The following CAMKK1 variants were observed in gnomAD, a reference collection of about 807,000 sequenced individuals.
CAMKK1 encodes the protein calcium/calmodulin dependent protein kinase kinase 1, also known as calcium/calmodulin-dependent protein kinase kinase 1.
Under a neutral mutation model 63.5 loss-of-function variants are expected in CAMKK1, and 20 were observed. The observed-to-expected ratio is 0.32, with a 90% confidence interval of 0.22 to 0.46. The LOEUF (loss-of-function observed/expected upper bound fraction) is 0.46. Ranked by LOEUF, CAMKK1 falls within the 20% of genes least tolerant of loss-of-function variation. The probability of loss-of-function intolerance (pLI) is 1.00; values close to 1 mark genes in which losing one functional copy is unlikely to be tolerated. For synonymous variants in CAMKK1, 253 were observed against 269.0 expected (o/e 0.94, Z 0.58); for missense variants, 588 against 658.1 (o/e 0.89, Z 1.17).
Position 3,890,824 on chromosome 17 carries a change from C to G in CAMKK1, c.-44+2115G>C, listed in dbSNP as rs73322942. Reference sequence around the variant, plus strand: ...GCTGCCTGGAGGACAGCTCAGACATCGCCTCTTCTGAGCCCTCCTTGATCT... The same window carrying G: ...GCTGCCTGGAGGACAGCTCAGACATGGCCTCTTCTGAGCCCTCCTTGATCT... On this transcript the variant is annotated intron_variant, in intron 1 of 15. Coordinates refer to ENST00000348335, the MANE Select transcript of CAMKK1 (RefSeq NM_032294.3). The surrounding 1 kb of genome is among the most constrained non-coding windows in gnomAD (Gnocchi z 6.5). 1.3e-6 allele frequency: 1 copy of G among 777,014 alleles called. No homozygotes were observed. 48.1% of individuals were successfully genotyped at this position (777,014 alleles called of 1,614,324 possible). A position where few individuals can be genotyped will look rare whatever the true frequency, so the allele number is the denominator to read the frequency against.
At chr17:3,869,444 C>T in intron 14 of CAMKK1, 43 bp downstream of exon 14, 1 of 1,612,088 alleles carries the variant, frequency 6.2e-7, no homozygotes, top group Non-Finnish European at 8.5e-7. Context: ...TCAGGTCCCC[C>T]AGGCCCTCCA....
At chr17:3,868,086 T>C (rs113320040) in intron 14 of CAMKK1, among the ~76,000 whole-genome samples, 34,336 of 46,384 alleles carry the variant, frequency 0.74, 12,613 homozygotes, top group East Asian at 0.81. Context: ...AACTGATACG[T>C]GGGCTCTGGG....
In CAMKK1 at chr17:3,887,936, C is replaced by T. The variant is rs73974147; in HGVS notation, c.-43-2206G>A. 6.0e-3 allele frequency among the ~76,000 whole-genome samples: 913 copies of T among 152,280 alleles called. 7 individuals are homozygous for T. Among genetic ancestry groups the T allele is most frequent in the African/African-American group, 0.021 (854 of 41,526 alleles). On this transcript the variant is annotated intron_variant, in intron 1 of 15. Coordinates refer to ENST00000348335, the MANE Select transcript of CAMKK1 (RefSeq NM_032294.3). This position sits in a 1 kb window ranked among gnomAD's most constrained non-coding sequence, Gnocchi z 6.1. ...ATGTAAGTTTCATGAGATTAGGACGCTCATCTGCCTTGTCTCCAAAAGATC... is the reference window on the plus strand; with the variant it reads ...ATGTAAGTTTCATGAGATTAGGACGTTCATCTGCCTTGTCTCCAAAAGATC...
Position 3,883,885 on chromosome 17 carries a change from T to C in CAMKK1, c.461A>G (p.Tyr154Cys), listed in dbSNP as rs2055526580. The change falls in exon 4 of 16, where the codon TAT becomes TGT. Residue 154 changes from tyrosine (Y) to cysteine (C), a missense_variant and splice_region_variant. This residue lies in a region of CAMKK1 where 357 missense variants were observed against 407.4 expected (regional missense o/e 0.88). Transcript: ENST00000348335. The surrounding 1 kb of genome is among the most constrained non-coding windows in gnomAD (Gnocchi z 4.7). ...LAYNESEDRHYAMKVLSKKKL... is the reference protein window; with the variant it reads ...LAYNESEDRHCAMKVLSKKKL... ...CCTCCCTCGTATCCCCAGACTCACA[T>C]AGTGTCTGTCTTCACTTTCGTTGTA... 1.2e-6 allele frequency: 2 copies of C among 1,613,590 alleles called. No homozygotes were observed. Among genetic ancestry groups the C allele is most frequent in the Non-Finnish European group, 8.5e-7 (1 of 1,179,772 alleles).
In CAMKK1 at chr17:3,892,846, ACC is replaced by A. The variant is rs143787561; in HGVS notation, c.-44+91_-44+92del. ...CTCCCTCGTAGACGCGGCCTGGCAGACCCCCCCCGCCTCTCCCTTGCAGGCTC... is the reference window on the plus strand; with the variant it reads ...CTCCCTCGTAGACGCGGCCTGGCAGACCCCCCGCCTCTCCCTTGCAGGCTC... On this transcript the variant is annotated intron_variant, in intron 1 of 15. Transcript: ENST00000348335. The surrounding 1 kb of genome is among the most constrained non-coding windows in gnomAD (Gnocchi z 7.5). 4 of 147,842 alleles carry A rather than the reference ACC, an allele frequency of 2.7e-5. No individual in the cohort carries two copies. Among genetic ancestry groups the A allele is most frequent in the East Asian group, 2.0e-4 (1 of 4,982 alleles). The allele number at this position is 147,842 out of a possible 1,614,324, so 9.2% of individuals were successfully genotyped here.
At position 3,880,379 on chromosome 17, in the gene CAMKK1, A is replaced by G. The variant is rs775775222; in HGVS notation, c.763T>C (p.Tyr255His). 4 of 1,613,902 alleles carry G rather than the reference A, an allele frequency of 2.5e-6. No homozygotes were observed. In the African/African-American group the frequency reaches 5.3e-5, roughly 22 times the overall value. The change falls in exon 9 of 16, where the codon TAC becomes CAC. Residue 255 changes from tyrosine (Y) to histidine (H), a missense_variant. Physicochemically the swap from Tyr to His is moderately conservative, Grantham distance 83. This residue lies in a region of CAMKK1 where 357 missense variants were observed against 407.4 expected (regional missense o/e 0.88). Coordinates refer to ENST00000348335, the MANE Select transcript of CAMKK1 (RefSeq NM_032294.3). ...KPFSEEQARL[Y>H]LRDVILGLEY... ...AGGCCCAGGATGACGTCCCGCAGGT[A>G]GAGGCGAGCTTGCTCCTCCGAGAAG...
chr17:3,880,442 G>A lies in CAMKK1; in HGVS notation c.708-8C>T. The A allele has an allele frequency of 6.2e-7, 1 of 1,611,552 alleles. No individual in the cohort carries two copies. Among genetic ancestry groups the A allele is most frequent in the Non-Finnish European group, 8.5e-7 (1 of 1,178,598 alleles). ...GGCACTTCCATGACGGGCCTATGGAGAAGGATGCGGGGAGGGGCATTCAGC... is the reference window on the plus strand; with the variant it reads ...GGCACTTCCATGACGGGCCTATGGAAAAGGATGCGGGGAGGGGCATTCAGC... On this transcript the variant is annotated splice_polypyrimidine_tract_variant and splice_region_variant and intron_variant, in intron 8 of 15. Coordinates refer to ENST00000348335, the MANE Select transcript of CAMKK1 (RefSeq NM_032294.3).
chr17:3,882,952 C>G lies in CAMKK1; in HGVS notation c.648+90G>C. ...CCACATCTGCCACCTGGGCAAGATC[C>G]CTGGGTCTGTGCTAGGGGCTCCCCA... On this transcript the variant is annotated intron_variant, in intron 6 of 15. Transcript: ENST00000348335. This position sits in a 1 kb window ranked among gnomAD's most constrained non-coding sequence, Gnocchi z 4.3. 6.6e-7 allele frequency: 1 copy of G among 1,526,610 alleles called. No individual in the cohort carries two copies. The highest frequency in any genetic ancestry group is 1.2e-5 in the South Asian group (1 of 83,072). The allele number at this position is 1,526,610 out of a possible 1,614,324, so 94.6% of individuals were successfully genotyped here. A position where few individuals can be genotyped will look rare whatever the true frequency, so the allele number is the denominator to read the frequency against.
Position 3,862,383 on chromosome 17 carries a change from C to G in CAMKK1, c.1446-100G>C. 9.9e-7 allele frequency: 1 copy of G among 1,014,652 alleles called. No homozygotes were observed. The highest frequency in any genetic ancestry group is 1.5e-6 in the Non-Finnish European group (1 of 667,424). The allele number at this position is 1,014,652 out of a possible 1,614,324, so 62.9% of individuals were successfully genotyped here. The stretch of plus-strand genomic sequence containing the variant: ...ACACAGGAATCTGAATCCCACATCT[C>G]TCAAAGCCCCCTTCACCCACTGCCC... On this transcript the variant is annotated intron_variant, in intron 15 of 15. Transcript: ENST00000348335. This position sits in a 1 kb window ranked among gnomAD's most constrained non-coding sequence, Gnocchi z 4.1.
chr17:3,869,021 T>A (rs1258468515), intron 14 of CAMKK1, among the ~76,000 whole-genome samples: 1 of 148,470 alleles, frequency 6.7e-6, no homozygotes, highest in Non-Finnish European at 1.5e-5. Flanking sequence ...CAGGCTGGAG[T>A]GCAGTGGCGC....
intron 15 of CAMKK1, chr17:3,865,260 G>T (rs2054473192): frequency 1.0e-6 from 1 of 986,108 alleles, no homozygotes; most frequent in Non-Finnish European, 1.2e-6. Context: ...CTAGGAGGTG[G>T]TGAACCCACA....
chr17:3,884,084 C>T lies in CAMKK1; in HGVS notation c.409-147G>A, dbSNP rs2143878920. On this transcript the variant is annotated intron_variant, in intron 3 of 15. Coordinates refer to ENST00000348335, the MANE Select transcript of CAMKK1 (RefSeq NM_032294.3). The surrounding 1 kb of genome is among the most constrained non-coding windows in gnomAD (Gnocchi z 4.5). Reference sequence around the variant, plus strand: ...GCTGGCTCACGGGCAAATATTGTAGCAGATGGGGAGGGGACTCCTGCGCCC... The same window carrying T: ...GCTGGCTCACGGGCAAATATTGTAGTAGATGGGGAGGGGACTCCTGCGCCC... 1.2e-6 allele frequency: 1 copy of T among 827,386 alleles called. No homozygotes were observed. Among genetic ancestry groups the T allele is most frequent in the East Asian group, 2.6e-5 (1 of 37,862 alleles). The allele number at this position is 827,386 out of a possible 1,614,324, so 51.3% of individuals were successfully genotyped here. A position where few individuals can be genotyped will look rare whatever the true frequency, so the allele number is the denominator to read the frequency against.
At chr17:3,870,785 C>A (rs573389290) in intron 12 of CAMKK1, among the ~76,000 whole-genome samples, 1 of 152,098 alleles carries the variant, frequency 6.6e-6, no homozygotes, top group Non-Finnish European at 1.5e-5. Flanking sequence ...GATGCTTCAT[C>A]CCTTTTAAAA....
At position 3,880,346 on chromosome 17, in the gene CAMKK1, A is replaced by G. The variant is rs1217307131; in HGVS notation, c.796T>C (p.Leu266=). Residue 266 remains leucine, a splice_region_variant and synonymous_variant, in exon 9 of 16, where the codon TTG becomes CTG. Transcript: ENST00000348335. ...AGTGGGCAAGCTGCCCCGCACTCAC[A>G]GTACTCGAGGCCCAGGATGACGTCC... ...LRDVILGLEY[L]HCQKIVHRDI... 6.2e-7 allele frequency: 1 copy of G among 1,613,704 alleles called. No individual in the cohort carries two copies. Among genetic ancestry groups the G allele is most frequent in the East Asian group, 2.2e-5 (1 of 44,876 alleles).
rs748910867 is a variant in CAMKK1, at chr17:3,883,866, T to A, written c.462+18A>T. 1.1e-5 allele frequency: 18 copies of A among 1,613,268 alleles called. No homozygotes were observed. Among genetic ancestry groups the A allele is most frequent in the African/African-American group, 1.3e-5 (1 of 74,836 alleles). ...GGGCCTGGCTTGGGCAACACCTCCCTCGTATCCCCAGACTCACATAGTGTC... is the reference window on the plus strand; with the variant it reads ...GGGCCTGGCTTGGGCAACACCTCCCACGTATCCCCAGACTCACATAGTGTC... On this transcript the variant is annotated intron_variant, in intron 4 of 15. Coordinates refer to ENST00000348335, the MANE Select transcript of CAMKK1 (RefSeq NM_032294.3). The surrounding 1 kb of genome is among the most constrained non-coding windows in gnomAD (Gnocchi z 4.7).
chr17:3,885,495 G>C lies in CAMKK1; in HGVS notation c.193C>G (p.Arg65Gly). ...PGSTSRLLPA[R>G]PSLSARKLSL... Reference sequence around the variant, plus strand: ...AGCTTCCTGGCTGAGAGGCTAGGCCGGGCTGGGAGCAGTCTTGAAGTACTG... The same window carrying C: ...AGCTTCCTGGCTGAGAGGCTAGGCCCGGCTGGGAGCAGTCTTGAAGTACTG... The change falls in exon 2 of 16, where the codon CGG becomes GGG. Residue 65 changes from arginine (R) to glycine (G), a missense_variant. By Grantham distance (125) the Arg-to-Gly change is moderately radical. Coordinates refer to ENST00000348335, the MANE Select transcript of CAMKK1 (RefSeq NM_032294.3). The C allele has an allele frequency of 1.2e-6, 2 of 1,613,720 alleles. No individual in the cohort carries two copies. The highest frequency in any genetic ancestry group is 1.7e-6 in the Non-Finnish European group (2 of 1,179,988).
At chr17:3,867,325 A>G (rs2054570390) in intron 14 of CAMKK1, among the ~76,000 whole-genome samples, 1 of 152,212 alleles carries the variant, frequency 6.6e-6, no homozygotes, top group Non-Finnish European at 1.5e-5. Context: ...GCACGTGGCC[A>G]GAGACGAGTG....
intron 12 of CAMKK1, among the ~76,000 whole-genome samples, chr17:3,871,398 A>G (rs1240426365): frequency 2.5e-5 from 3 of 119,874 alleles, no homozygotes; most frequent in Middle Eastern, 7.2e-3. Context: ...TCTGTCGCCC[A>G]GGCTGGAGTG....
chr17:3,882,206 G>C lies in CAMKK1; in HGVS notation c.685+322C>G. ...CTGTTTTATAGGTGGGAAAACTGAG[G>C]CACAGAGCTACAGTGTCTGGGAACC... On this transcript the variant is annotated intron_variant, in intron 7 of 15. Coordinates refer to ENST00000348335, the MANE Select transcript of CAMKK1 (RefSeq NM_032294.3). The surrounding 1 kb of genome is among the most constrained non-coding windows in gnomAD (Gnocchi z 4.3). 7.6e-7 allele frequency: 1 copy of C among 1,320,898 alleles called. No homozygotes were observed. Among genetic ancestry groups the C allele is most frequent in the Non-Finnish European group, 1.1e-6 (1 of 937,636 alleles). 81.8% of individuals were successfully genotyped at this position (1,320,898 alleles called of 1,614,324 possible).
Sources: allele counts gnomAD v4.1 joint callset (sites outside exome capture counted in the v4.1 genomes callset), GRCh38; gene constraint gnomAD v4.1.1; regional missense constraint gnomAD v4.1.1; non-coding constraint Gnocchi (gnomAD v3.1); transcripts MANE v1.5; gene names NCBI Gene and HGNC (gene_info 2026-07-23, HGNC 2026-07-21).